Variants in STK11IP observed in about 807,000 individuals in gnomAD.
The protein encoded by STK11IP is serine/threonine-protein kinase 11-interacting protein.
Under a neutral mutation model 131.7 loss-of-function variants are expected in STK11IP, and 103 were observed. The observed-to-expected ratio is 0.78, with a 90% CI of 0.67 to 0.92. The LOEUF is 0.92. STK11IP is among the 40% of genes least tolerant of loss of function. STK11IP has a pLI of 0.00. For synonymous variants in STK11IP, 557 were observed against 575.6 expected (o/e 0.97, Z 0.46); for missense variants, 1,315 against 1,385.7 (o/e 0.95, Z 0.81).
rs781568511 is a variant in STK11IP at position 219,611,957 on chromosome 2, CCT to C, written c.2339_2340del (p.Pro780ArgfsTer19). The C allele has an allele frequency of 1.4e-5, 22 of 1,593,130 alleles. No individual in the cohort carries two copies. Among genetic ancestry groups the C allele is most frequent in the Non-Finnish European group, 1.8e-5 (21 of 1,170,704 alleles). On this transcript the variant is annotated frameshift_variant, in exon 19 of 25. Coordinates refer to ENST00000456909, the MANE Select transcript of STK11IP (RefSeq NM_052902.4). LOFTEE classifies it high-confidence loss of function. ...TGATGCCCCCTCATTGCCCTCAGCC[CCT>C]GAGCGCTGTGGCCTCCGCTCTGTGG... ...DHGSWSLSPP[P>X]ERCGLRSVDH... is the part of the protein sequence containing the mutation.
Position 219,614,251 on chromosome 2 carries a change from A to T in STK11IP, c.2798+9A>T, listed in dbSNP as rs766732799. The T allele has an allele frequency of 1.2e-6, 2 of 1,612,918 alleles. No individual in the cohort carries two copies. Among genetic ancestry groups the T allele is most frequent in the Non-Finnish European group, 1.7e-6 (2 of 1,179,672 alleles). Reference sequence around the variant, plus strand: ...CCCCAGCACCGGCTCTGGTGAGTCGATAGGAGGCAGAGGCTGGGGTTGCTG... The same window carrying T: ...CCCCAGCACCGGCTCTGGTGAGTCGTTAGGAGGCAGAGGCTGGGGTTGCTG... On this transcript the variant is annotated intron_variant, in intron 22 of 24. Coordinates refer to ENST00000456909, the MANE Select transcript of STK11IP (RefSeq NM_052902.4).
chr2:219,605,570 C>A, intron 7 of STK11IP, 38 bp from the exon 8 acceptor site: 2 of 1,549,888 alleles, frequency 1.3e-6, no homozygotes, highest in South Asian at 2.4e-5. Flanking sequence ...AGAGTTTGGT[C>A]AACGAGATAA....
chr2:219,605,710 G>T lies in STK11IP; in HGVS notation c.721G>T (p.Gly241Cys). Residue 241 changes from glycine to cysteine, a missense_variant, in exon 8 of 25, where the codon GGC becomes TGC. Physicochemically the swap from Gly to Cys is radical, Grantham distance 159. Coordinates refer to ENST00000456909, the MANE Select transcript of STK11IP (RefSeq NM_052902.4). ...TGCTCTGGGGGTCCTGATACTGCGA[G>T]GCAATGAGCTTCGGAGCCTGCATGG... ...GAALGVLILR[G>C]NELRSLHGLE... 1 of 1,591,982 alleles carries T rather than the reference G, an allele frequency of 6.3e-7. No individual in the cohort carries two copies. The highest frequency in any genetic ancestry group is 1.3e-5 in the African/African-American group (1 of 74,756).
At position 219,605,783 on chromosome 2, in the gene STK11IP, T is replaced by G. The variant is rs1698130276; in HGVS notation, c.745+49T>G. The G allele has an allele frequency of 2.5e-6, 4 of 1,572,068 alleles. No homozygotes were observed. In the Admixed American group the frequency reaches 5.5e-5, roughly 22 times the overall value. ...CAAGCATGGAGGGGAAGGGGGAGAG[T>G]GAGGCTGGGGCTGGCCTGGGGACCA... On this transcript the variant is annotated intron_variant, in intron 8 of 24. Transcript: ENST00000456909.
Position 219,614,235 on chromosome 2 carries a change from CGGCTCTGGTGAGTCGATAGGAGGCAGA to C in STK11IP, c.2796_2798+24del. 1 of 1,613,336 alleles carries C rather than the reference CGGCTCTGGTGAGTCGATAGGAGGCAGA, an allele frequency of 6.2e-7. No individual in the cohort carries two copies. Among genetic ancestry groups the C allele is most frequent in the African/African-American group, 1.3e-5 (1 of 75,022 alleles). ...AGAGGAGGAGGTCACCCCCCAGCAC[CGGCTCTGGTGAGTCGATAGGAGGCAGA>C]GGCTGGGGTTGCTGCCCAATCCTCT... On this transcript the variant is annotated splice_donor_variant and splice_donor_5th_base_variant and coding_sequence_variant and intron_variant, in exon 22 of 25. Coordinates refer to ENST00000456909, the MANE Select transcript of STK11IP (RefSeq NM_052902.4). LOFTEE classifies it high-confidence loss of function.
intron 2 of STK11IP, among the ~76,000 whole-genome samples, chr2:219,600,207 C>T (rs573126742): frequency 4.6e-5 from 7 of 152,026 alleles, no homozygotes; most frequent in South Asian, 4.2e-4. Flanking sequence ...GGATTACAGG[C>T]GCATGTCGCA....
At chr2:219,609,076 G>A (rs778648884) in intron 15 of STK11IP, 21 bp from the exon 16 acceptor site, 17 of 1,544,438 alleles carry the variant, frequency 1.1e-5, no homozygotes, top group East Asian at 2.4e-5. Context: ...TTTTTCACCC[G>A]GTCCCCCTCT....
rs773632792 is a variant in STK11IP at position 219,608,100 on chromosome 2, C to A, written c.1273C>A (p.Arg425=). Residue 425 remains arginine, a synonymous_variant, in exon 14 of 25, where the codon CGG becomes AGG. Coordinates refer to ENST00000456909, the MANE Select transcript of STK11IP (RefSeq NM_052902.4). The stretch of plus-strand genomic sequence containing the variant: ...GGAGCTCATGAGCAGCTTCCGGGAA[C>A]GGTTCGGCCGCAACTGGCTGCAGTA... ...ELELMSSFRE[R]FGRNWLQYRS... The A allele has an allele frequency of 2.0e-5, 33 of 1,612,918 alleles. No homozygotes were observed. The highest frequency in any genetic ancestry group is 2.7e-5 in the Non-Finnish European group (32 of 1,179,896).
chr2:219,598,674 T>C (rs569634785), intron 2 of STK11IP, among the ~76,000 whole-genome samples: 2 of 152,348 alleles, frequency 1.3e-5, no homozygotes, highest in East Asian at 3.9e-4. Context: ...TTTTAATTCA[T>C]GTATTTAGTA....
chr2:219,600,879 C>T (rs935904958), intron 2 of STK11IP, among the ~76,000 whole-genome samples: 11 of 152,092 alleles, frequency 7.2e-5, no homozygotes, highest in African/African-American at 1.9e-4. Flanking sequence ...TCAAGCTGGG[C>T]GGTGGAAGGG....
Position 219,608,679 on chromosome 2 carries a change from T to C in STK11IP, c.1700T>C (p.Phe567Ser), listed in dbSNP as rs1261131965. The C allele has an allele frequency of 3.1e-6, 5 of 1,613,606 alleles. No individual in the cohort carries two copies. Among genetic ancestry groups the C allele is most frequent in the Non-Finnish European group, 4.2e-6 (5 of 1,179,864 alleles). The change falls in exon 15 of 25, where the codon TTT becomes TCT. Residue 567 changes from phenylalanine to serine, a missense_variant. Coordinates refer to ENST00000456909, the MANE Select transcript of STK11IP (RefSeq NM_052902.4). ...CTCAGGGTCACTTCTGCCCACCTGT[T>C]TGAGGTGGAACTCCAAGCAGCTCGC... is the stretch of plus-strand genomic sequence containing the variant. The part of the protein sequence containing the change: ...CFLRVTSAHL[F>S]EVELQAARTL...
In STK11IP at chr2:219,608,644, G is replaced by A. The variant is rs1396068423; in HGVS notation, c.1665G>A (p.Arg555=). The A allele has an allele frequency of 6.2e-7, 1 of 1,613,392 alleles. No homozygotes were observed. The highest frequency in any genetic ancestry group is 8.5e-7 in the Non-Finnish European group (1 of 1,179,734). The change falls in exon 15 of 25, where the codon AGG becomes AGA. Residue 555 remains arginine (R), a synonymous_variant. Coordinates refer to ENST00000456909, the MANE Select transcript of STK11IP (RefSeq NM_052902.4). ...AGGGGCCTGAGGGCGTACGGGGCAGGGAATGCTTTCTCAGGGTCACTTCTG... is the reference window on the plus strand; with the variant it reads ...AGGGGCCTGAGGGCGTACGGGGCAGAGAATGCTTTCTCAGGGTCACTTCTG... ...PLEGPEGVRG[R]ECFLRVTSAH... is the part of the protein sequence containing the mutation.
chr2:219,604,238 C>G (rs1437362451), intron 7 of STK11IP, among the ~76,000 whole-genome samples: 1 of 152,092 alleles, frequency 6.6e-6, no homozygotes, highest in South Asian at 2.1e-4. Context: ...AGGTTTTTTA[C>G]TGTGGGGGTT....
intron 19 of STK11IP, 44 bp downstream of exon 19, chr2:219,612,102 T>C (rs1199894152): frequency 6.5e-7 from 1 of 1,535,938 alleles, no homozygotes. Context: ...CTGTCCAGGG[T>C]GCCCACTCGT....
At chr2:219,612,383 G>A (rs1247901276) in intron 19 of STK11IP, among the ~76,000 whole-genome samples, 1 of 152,224 alleles carries the variant, frequency 6.6e-6, no homozygotes, top group African/African-American at 2.4e-5. Context: ...TTAGGCCTTT[G>A]TTGAGCACCT....
intron 2 of STK11IP, 152 bp downstream of exon 2, chr2:219,598,332 C>G: frequency 1.7e-6 from 1 of 593,772 alleles, no homozygotes; most frequent in African/African-American, 1.9e-5. Context: ...GGTTTGTTCG[C>G]CCTTACAGTG....
intron 14 of STK11IP, 45 bp from the exon 15 acceptor site, chr2:219,608,538 G>T: frequency 6.5e-7 from 1 of 1,548,350 alleles, no homozygotes; most frequent in South Asian, 1.2e-5. Context: ...GCAGAGTGTG[G>T]GTACTTTCCC....
At chr2:219,615,707 G>T (rs778820344) in intron 24 of STK11IP, 5 of 641,566 alleles carry the variant, frequency 7.8e-6, no homozygotes, top group Non-Finnish European at 1.5e-5. Flanking sequence ...CTATTTACAG[G>T]TGAGGAAGCT....
chr2:219,604,898 T>C lies in STK11IP; in HGVS notation c.619-710T>C, dbSNP rs189167689. On this transcript the variant is annotated intron_variant, in intron 7 of 24. Coordinates refer to ENST00000456909, the MANE Select transcript of STK11IP (RefSeq NM_052902.4). The stretch of plus-strand genomic sequence containing the variant: ...AGGCTGGAGTGCAATGGCACGATCT[T>C]GGCTCACCGTAACCTCTGCCTCCCG... Among the ~76,000 whole-genome samples the C allele has an allele frequency of 2.4e-4, 37 of 152,228 alleles. No individual in the cohort carries two copies. The East Asian group carries it at 6.9e-3, about 29-fold the overall frequency.
Sources: allele counts gnomAD v4.1 joint callset (sites outside exome capture counted in the v4.1 genomes callset), GRCh38; gene constraint gnomAD v4.1.1; transcripts MANE v1.5; gene names NCBI Gene and HGNC (gene_info 2026-07-23, HGNC 2026-07-21).